TET3: variants seen among roughly 807,000 people sequenced by gnomAD.
TET3 encodes tet methylcytosine dioxygenase 3.
A neutral mutation model predicts 141.4 loss-of-function variants in TET3; 19 were observed. The observed-to-expected ratio is 0.13, with a 90% CI of 0.09 to 0.20. The LOEUF is 0.20. Among genes scored for constraint, TET3 ranks in the 10% least tolerant of loss-of-function variants. The pLI is 1.00. For synonymous variants in TET3, 1,043 were observed against 980.9 expected, an observed-to-expected ratio of 1.06 and a Z score of -1.18; for missense variants, 1,874 against 2,356.9, an observed-to-expected ratio of 0.80 and a Z score of 4.24.
At chr2:74,123,751 G>A in the TET3 span, among the ~76,000 whole-genome samples, 44 of 151,708 alleles carry the variant, frequency 2.9e-4, no homozygotes, top group Middle Eastern at 3.4e-3. Context: ...CCTTCTGACC[G>A]GCTGCCCAGT....
intron 3 of TET3, among the ~76,000 whole-genome samples, chr2:74,016,471 T>C (rs1387532904): frequency 6.6e-6 from 1 of 152,146 alleles, no homozygotes; most frequent in East Asian, 1.9e-4. Context: ...CCTGTAATAC[T>C]AGCACTTTGG....
intron 4 of TET3, among the ~76,000 whole-genome samples, chr2:74,064,935 T>C (rs974125645): frequency 2.0e-5 from 3 of 152,224 alleles, no homozygotes; most frequent in East Asian, 1.9e-4. Flanking sequence ...TCAACAGATA[T>C]ATGCAGGTTT....
intron 3 of TET3, among the ~76,000 whole-genome samples, chr2:74,022,606 C>T (rs1465312811): frequency 1.3e-5 from 2 of 151,492 alleles, no homozygotes; most frequent in East Asian, 3.8e-4. Flanking sequence ...AGACAGAACA[C>T]AGAACAGGCA....
At chr2:74,009,820 G>C (rs1267495700) in intron 3 of TET3, among the ~76,000 whole-genome samples, 1 of 152,236 alleles carries the variant, frequency 6.6e-6, no homozygotes, top group Admixed American at 6.5e-5. Flanking sequence ...TGCCCAGCCA[G>C]GACAGCTGTC....
the TET3 span, among the ~76,000 whole-genome samples, chr2:74,119,692 T>G: frequency 1.3e-5 from 2 of 152,256 alleles, no homozygotes; most frequent in African/African-American, 4.8e-5. Flanking sequence ...GTCTTTCACC[T>G]AATAGTTTCA....
In TET3 at chr2:74,047,369, G is replaced by A. The variant is rs760714091; in HGVS notation, c.1452G>A (p.Leu484=). 3.7e-6 allele frequency: 6 copies of A among 1,613,752 alleles called. No individual in the cohort carries two copies. The highest frequency in any genetic ancestry group is 4.2e-6 in the Non-Finnish European group (5 of 1,179,872). The change falls in exon 4 of 12, where the codon CTG becomes CTA. Residue 484 remains leucine, a synonymous_variant. Transcript: ENST00000409262. ...CAGTATTCAAGCGGCCTGAGGCCCT[G>A]CCTACCAAGCCCAAGGTCAAGGTGG... ...IQSVFKRPEA[L]PTKPKVKVEA...
At chr2:74,059,415 GCTAA>G (rs1443474966) in intron 4 of TET3, among the ~76,000 whole-genome samples, 1 of 152,220 alleles carries the variant, frequency 6.6e-6, no homozygotes, top group African/African-American at 2.4e-5. Context: ...ACCACACCTG[GCTAA>G]CTTTTGTATT....
chr2:74,127,161 G>C, the TET3 span, among the ~76,000 whole-genome samples: 10 of 152,172 alleles, frequency 6.6e-5, no homozygotes, highest in African/African-American at 2.4e-4. Flanking sequence ...TCAAATGAGG[G>C]GATCAGAAGC....
At chr2:74,094,584 G>A (rs986553654) in intron 10 of TET3, among the ~76,000 whole-genome samples, 12 of 152,184 alleles carry the variant, frequency 7.9e-5, no homozygotes, top group African/African-American at 2.9e-4. Flanking sequence ...AGGTGAACGG[G>A]AGGGAATAAG....
downstream of TET3, among the ~76,000 whole-genome samples, chr2:74,109,329 TATTGGTTGCAAACATTTTGA>T (rs1691646321): frequency 6.6e-6 from 1 of 152,246 alleles, no homozygotes; most frequent in Non-Finnish European, 1.5e-5. Context: ...GAGAACCGCA[TATTGGTTGCAAACATTTTGA>T]GTGTGTAAAT....
intron 3 of TET3, among the ~76,000 whole-genome samples, chr2:74,038,212 G>A (rs1029963063): frequency 1.3e-5 from 2 of 152,198 alleles, no homozygotes; most frequent in South Asian, 2.1e-4. Flanking sequence ...TGGGGTTGGC[G>A]ATGCTGTATG....
intron 5 of TET3, among the ~76,000 whole-genome samples, chr2:74,076,091 A>G (rs989392641): frequency 1.3e-5 from 2 of 152,316 alleles, no homozygotes; most frequent in Non-Finnish European, 2.9e-5. Flanking sequence ...ACTTTTCATT[A>G]TAGAAAAGTA....
chr2:74,080,392 G>C, intron 5 of TET3, 106 bp from the exon 6 acceptor site: 1 of 970,010 alleles, frequency 1.0e-6, no homozygotes, highest in Non-Finnish European at 1.6e-6. Flanking sequence ...GCCCCCGACG[G>C]TAACCAGAAA....
intron 10 of TET3, among the ~76,000 whole-genome samples, chr2:74,094,413 G>C (rs1690687043): frequency 1.3e-5 from 2 of 152,216 alleles, no homozygotes; most frequent in African/African-American, 4.8e-5. Flanking sequence ...AGCTCACAGG[G>C]AGCCTTGAGG....
Position 74,093,209 on chromosome 2 carries a change from C to A in TET3, c.3129+218C>A, listed in dbSNP as rs915771553. Among the ~76,000 whole-genome samples the A allele has an allele frequency of 6.6e-6, 1 of 152,218 alleles. No individual in the cohort carries two copies. The highest frequency in any genetic ancestry group is 1.5e-5 in the Non-Finnish European group (1 of 68,040). On this transcript the variant is annotated intron_variant, in intron 9 of 11. Coordinates refer to ENST00000409262, the MANE Select transcript of TET3 (RefSeq NM_001287491.2). The surrounding 1 kb of genome is among the most constrained non-coding windows in gnomAD (Gnocchi z 4.2). ...TCCCTCTTCTATCCTGGTCTTCTCCCTTCCCCTGGTAACCCATCCACCTCC... is the reference window on the plus strand; with the variant it reads ...TCCCTCTTCTATCCTGGTCTTCTCCATTCCCCTGGTAACCCATCCACCTCC...
At chr2:74,000,317 G>T (rs1254378987) in intron 2 of TET3, among the ~76,000 whole-genome samples, 1 of 152,174 alleles carries the variant, frequency 6.6e-6, no homozygotes, top group African/African-American at 2.4e-5. Flanking sequence ...GCAGAGCCTA[G>T]GAAAGTAGGG....
At chr2:74,061,753 G>GTGC (rs1688596963) in intron 4 of TET3, among the ~76,000 whole-genome samples, 1 of 145,634 alleles carries the variant, frequency 6.9e-6, no homozygotes, top group African/African-American at 2.6e-5. Flanking sequence ...GGGCGGCCGG[G>GTGC]CAGAGACGCT....
At chr2:74,113,865 A>G in the TET3 span, among the ~76,000 whole-genome samples, 1 of 148,874 alleles carries the variant, frequency 6.7e-6, no homozygotes, top group Non-Finnish European at 1.5e-5. Flanking sequence ...TATTATTAAC[A>G]TAATAATACT....
intron 5 of TET3, among the ~76,000 whole-genome samples, chr2:74,075,581 G>A (rs1026627874): frequency 2.6e-5 from 4 of 151,968 alleles, no homozygotes; most frequent in African/African-American, 9.7e-5. Context: ...TGCCCACGTT[G>A]GCCTCCCAAA....
Sources: allele counts gnomAD v4.1 joint callset (sites outside exome capture counted in the v4.1 genomes callset), GRCh38; gene constraint gnomAD v4.1.1; non-coding constraint Gnocchi (gnomAD v3.1); transcripts MANE v1.5; gene names NCBI Gene and HGNC (gene_info 2026-07-23, HGNC 2026-07-21).